Variants in HADH observed in about 807,000 individuals in gnomAD.
HADH encodes hydroxyacyl-CoA dehydrogenase, also known as hydroxyacyl-coenzyme A dehydrogenase, mitochondrial.
In HADH, 24 loss-of-function variants were observed where a neutral mutation model predicts 32.2. The observed-to-expected ratio is 0.75, with a 90% CI of 0.54 to 1.05. The LOEUF is 1.05. Among genes scored for constraint, HADH ranks in the 50% least tolerant of loss-of-function variants. The probability of loss-of-function intolerance (pLI) is 0.00; values close to 1 mark genes in which losing one functional copy is unlikely to be tolerated. For missense variants in HADH, 350 were observed against 397.1 expected (o/e 0.88, Z 1.01); for synonymous variants, 139 against 152.5 (o/e 0.91, Z 0.65).
intron 1 of HADH, among the ~76,000 whole-genome samples, chr4:107,993,775 G>T (rs1428290122): frequency 6.6e-6 from 1 of 152,086 alleles, no homozygotes; most frequent in Non-Finnish European, 1.5e-5. Context: ...AATATTTGAA[G>T]TTAACTTGTT....
chr4:108,014,180 G>T (rs1456209229), intron 2 of HADH, among the ~76,000 whole-genome samples: 1 of 152,188 alleles, frequency 6.6e-6, no homozygotes, highest in Non-Finnish European at 1.5e-5. Context: ...CCTGGCTCTT[G>T]CCCTTGCTCT....
At chr4:108,007,053 A>AT (rs1482967683) in intron 1 of HADH, among the ~76,000 whole-genome samples, 6 of 151,874 alleles carry the variant, frequency 4.0e-5, no homozygotes, top group Non-Finnish European at 1.5e-5. Context: ...GGCACCTCTT[A>AT]TTTTTGCTGC....
chr4:108,001,493 T>A (rs1735117164), intron 1 of HADH, among the ~76,000 whole-genome samples: 1 of 152,202 alleles, frequency 6.6e-6, no homozygotes, highest in South Asian at 2.1e-4. Flanking sequence ...ACAGAGCTGT[T>A]GTAGAAGATG....
chr4:108,013,595 C>T (rs1223504930), intron 2 of HADH, among the ~76,000 whole-genome samples: 1 of 152,062 alleles, frequency 6.6e-6, no homozygotes, highest in African/African-American at 2.4e-5. Context: ...TTATCTAGCT[C>T]TATACTGACC....
At chr4:108,032,097 TTC>T (rs941638812) in intron 6 of HADH, 8 of 402,066 alleles carry the variant, frequency 2.0e-5, no homozygotes, top group African/African-American at 4.2e-5. Context: ...TTTAAGTAGT[TTC>T]TCTCTGAGTG....
rs1736376830 is a variant in HADH at position 108,034,222 on chromosome 4, T to G, written c.827-17T>G. ...ACCCAGCACTTCATCCTGAGTTCTC[T>G]TCCCTCCGCTCAATAGGGTGGCATG... On this transcript the variant is annotated splice_polypyrimidine_tract_variant and intron_variant, in intron 7 of 7. Transcript: ENST00000309522. 4 of 1,484,542 alleles carry G rather than the reference T, an allele frequency of 2.7e-6. No homozygotes were observed. The East Asian group carries it at 6.8e-5, about 25-fold the overall frequency. 92.0% of individuals were successfully genotyped at this position (1,484,542 alleles called of 1,614,324 possible). A position where few individuals can be genotyped will look rare whatever the true frequency, so the allele number is the denominator to read the frequency against.
At chr4:107,992,833 G>A (rs1346804418) in intron 1 of HADH, among the ~76,000 whole-genome samples, 4 of 152,040 alleles carry the variant, frequency 2.6e-5, no homozygotes, top group Admixed American at 1.3e-4. Context: ...AATTATCTTC[G>A]GCCCGGCATG....
chr4:107,996,765 A>G (rs1440308549), intron 1 of HADH, among the ~76,000 whole-genome samples: 1 of 152,082 alleles, frequency 6.6e-6, no homozygotes, highest in Non-Finnish European at 1.5e-5. Context: ...ATGGTGACAC[A>G]TGCCTGCAGT....
At chr4:108,029,012 C>A (rs1736162043) in intron 6 of HADH, 1 of 397,632 alleles carries the variant, frequency 2.5e-6, no homozygotes, top group South Asian at 1.3e-4. Context: ...TTGCTCTGGG[C>A]ATGGGCTTCA....
chr4:108,021,525 G>GTA lies in HADH; in HGVS notation c.546+1869_546+1870dup, dbSNP rs533306304. ...TACTTAGGACTGGGCTCATTTAAAT[G>GTA]TATATATATATGTATTTTTTTTCAG... On this transcript the variant is annotated intron_variant, in intron 4 of 7. Coordinates refer to ENST00000309522, the MANE Select transcript of HADH (RefSeq NM_005327.7). Among the ~76,000 whole-genome samples, 35 of 152,082 alleles carry GTA rather than the reference G, an allele frequency of 2.3e-4. No homozygotes were observed. The South Asian group carries it at 3.7e-3, about 16-fold the overall frequency.
At chr4:108,005,227 G>C (rs3775974) in intron 1 of HADH, 189,356 of 225,796 alleles carry the variant, frequency 0.84, 80,419 homozygotes, top group East Asian at 0.97. Context: ...GATGATCCTA[G>C]AATTAATACA....
At chr4:108,000,656 G>T (rs189262081) in intron 1 of HADH, among the ~76,000 whole-genome samples, 2 of 152,150 alleles carry the variant, frequency 1.3e-5, no homozygotes, top group African/African-American at 4.8e-5. Flanking sequence ...CTCTACTAAG[G>T]GTTGGGAGAA....
chr4:108,000,767 C>G (rs1735098502), intron 1 of HADH, among the ~76,000 whole-genome samples: 1 of 152,140 alleles, frequency 6.6e-6, no homozygotes, highest in Non-Finnish European at 1.5e-5. Context: ...GCAGAGGAAA[C>G]CACATGAACA....
chr4:108,014,547 G>A lies in HADH; in HGVS notation c.378G>A (p.Val126=). ...VVEAIVENLK[V]KNELFKRLDK... is the part of the protein sequence containing the mutation. ...AAGCCATCGTGGAGAATCTGAAGGT[G>A]AAAAACGAGCTCTTCAAAAGGCTGG... Residue 126 remains valine, a synonymous_variant, in exon 3 of 8, where the codon GTG becomes GTA. Coordinates refer to ENST00000309522, the MANE Select transcript of HADH (RefSeq NM_005327.7). 6.2e-7 allele frequency: 1 copy of A among 1,613,974 alleles called. No homozygotes were observed. The highest frequency in any genetic ancestry group is 8.5e-7 in the Non-Finnish European group (1 of 1,179,938).
chr4:107,989,908 T>A lies in HADH; in HGVS notation c.-25T>A, dbSNP rs1734717395. 6.2e-7 allele frequency: 1 copy of A among 1,608,614 alleles called. No homozygotes were observed. Among genetic ancestry groups the A allele is most frequent in the South Asian group, 1.1e-5 (1 of 90,000 alleles). On this transcript the variant is annotated 5_prime_UTR_variant, in exon 1 of 8. Transcript: ENST00000309522. ...GCGCGTCTTCCCTGCCCGGGTCTCCTCGCTGTCGCCGCCGCTGCCACACCA... is the reference window on the plus strand; with the variant it reads ...GCGCGTCTTCCCTGCCCGGGTCTCCACGCTGTCGCCGCCGCTGCCACACCA...
chr4:108,004,099 A>G (rs1316858094), intron 1 of HADH, among the ~76,000 whole-genome samples: 1 of 152,182 alleles, frequency 6.6e-6, no homozygotes, highest in Non-Finnish European at 1.5e-5. Context: ...AGGCAGCTTG[A>G]GCTCCCTGTC....
At chr4:108,027,817 G>A (rs1736116360) in intron 6 of HADH, 57 bp downstream of exon 6, 2 of 999,624 alleles carry the variant, frequency 2.0e-6, no homozygotes, top group Non-Finnish European at 3.2e-6. Context: ...GCCACTGTCT[G>A]GAATTCTCAG....
At chr4:108,018,208 G>A (rs933671978) in intron 3 of HADH, among the ~76,000 whole-genome samples, 1 of 152,142 alleles carries the variant, frequency 6.6e-6, no homozygotes, top group Non-Finnish European at 1.5e-5. Context: ...AGCTGGCACA[G>A]CCTTGGGCCC....
chr4:108,028,356 A>C (rs1192475678), intron 6 of HADH: 1 of 155,680 alleles, frequency 6.4e-6, no homozygotes, highest in Non-Finnish European at 1.4e-5. Flanking sequence ...CAGGCCTCTA[A>C]ATTGATCTGC....
Sources: allele counts gnomAD v4.1 joint callset (sites outside exome capture counted in the v4.1 genomes callset), GRCh38; gene constraint gnomAD v4.1.1; transcripts MANE v1.5; gene names NCBI Gene and HGNC (gene_info 2026-07-23, HGNC 2026-07-21).